The following NT5DC2 variants were observed in gnomAD, a reference collection of about 807,000 sequenced individuals.
The protein encoded by NT5DC2 is 5'-nucleotidase domain-containing protein 2.
NT5DC2 carries 41 observed loss-of-function variants against 70.0 expected under a neutral mutation model. The observed-to-expected ratio is 0.59, with a 90% CI of 0.46 to 0.76. The LOEUF is 0.76. Among genes scored for constraint, NT5DC2 ranks in the 30% least tolerant of loss-of-function variants. NT5DC2 has a pLI of 0.00. For missense variants in NT5DC2, 705 were observed against 783.2 expected (o/e 0.90, Z 1.19); for synonymous variants, 299 against 310.4 (o/e 0.96, Z 0.39).
chr3:52,533,684 G>T lies in NT5DC2; in HGVS notation c.54C>A (p.Gly18=). The stretch of plus-strand genomic sequence containing the variant: ...ACGAGGCGGCTCGCGGCCCGCCGTG[G>T]CCTCCGCACAGCAGCCAGCGCCGAG... ...AAARRWLLCG[G]HGGPRAASSS... is the part of the protein sequence containing the mutation. Residue 18 remains glycine (G), a synonymous_variant, in exon 1 of 14, where the codon GGC becomes GGA. Coordinates refer to ENST00000422318, the MANE Select transcript of NT5DC2 (RefSeq NM_001134231.2). The T allele has an allele frequency of 9.1e-7, 1 of 1,099,454 alleles. No homozygotes were observed. The highest frequency in any genetic ancestry group is 1.1e-6 in the Non-Finnish European group (1 of 904,524). 68.1% of individuals were successfully genotyped at this position (1,099,454 alleles called of 1,614,324 possible).
chr3:52,533,279 C>G (rs112873973), intron 1 of NT5DC2, among the ~76,000 whole-genome samples: 10,996 of 152,224 alleles, frequency 0.072, 947 homozygotes, highest in African/African-American at 0.21. Context: ...TCCTGCAGAC[C>G]GAGCCGGGGA....
intron 1 of NT5DC2, among the ~76,000 whole-genome samples, chr3:52,532,978 GGCTTCTCCCA>G (rs1559741802): frequency 1.3e-5 from 2 of 152,174 alleles, no homozygotes; most frequent in African/African-American, 4.8e-5. Flanking sequence ...GGGGTGACTT[GGCTTCTCCCA>G]GCCTTCGCTG....
At chr3:52,534,552 C>G, upstream of NT5DC2, 1 of 1,613,550 alleles carries the variant, frequency 6.2e-7, no homozygotes, top group Non-Finnish European at 8.5e-7. Context: ...CCCGGTTTCC[C>G]GGCGCACGCC....
chr3:52,524,679 A>G lies in NT5DC2; in HGVS notation c.1465T>C (p.Phe489Leu). 6.2e-7 allele frequency: 1 copy of G among 1,612,882 alleles called. No individual in the cohort carries two copies. ...CTTGAGAAGTAGGTGGGGTTGTGGAAGGTGCGGAAGATGCTGCCGAACTGC... is the reference window on the plus strand; with the variant it reads ...CTTGAGAAGTAGGTGGGGTTGTGGAGGGTGCGGAAGATGCTGCCGAACTGC... ...NAQFGSIFRT[F>L]HNPTYFSRRL... The change falls in exon 14 of 14, where the codon TTC becomes CTC. Residue 489 changes from phenylalanine to leucine, a missense_variant. Phe to Leu is a conservative substitution (Grantham distance 22). Transcript: ENST00000422318.
In NT5DC2 at chr3:52,533,779, G is replaced by GCCCGCCA. The variant is rs1385339245; in HGVS notation, c.-43_-42insTGGCGGG. 40 of 930,590 alleles carry GCCCGCCA rather than the reference G, an allele frequency of 4.3e-5. No homozygotes were observed. Among genetic ancestry groups the GCCCGCCA allele is most frequent in the Non-Finnish European group, 4.9e-5 (39 of 791,104 alleles). The allele number at this position is 930,590 out of a possible 1,614,324, so 57.6% of individuals were successfully genotyped here. Reference sequence around the variant, plus strand: ...CCGCCGCCCGCGCTGCCCTCGGCCAGCCCGCCGCCCGCCGCCCGCCGCCCT... The same window carrying GCCCGCCA: ...CCGCCGCCCGCGCTGCCCTCGGCCAGCCCGCCACCCGCCGCCCGCCGCCCGCCGCCCT... On this transcript the variant is annotated 5_prime_UTR_variant, in exon 1 of 14. Transcript: ENST00000422318.
intron 10 of NT5DC2, among the ~76,000 whole-genome samples, chr3:52,527,036 G>A (rs776335859): frequency 6.6e-6 from 1 of 152,224 alleles, no homozygotes; most frequent in Non-Finnish European, 1.5e-5. Flanking sequence ...GACAAGGGAA[G>A]CAAGGCACAG....
upstream of NT5DC2, chr3:52,534,921 C>T (rs189853833): frequency 1.5e-5 from 7 of 451,814 alleles, no homozygotes; most frequent in Admixed American, 1.2e-4. Flanking sequence ...TGGCGGTGTC[C>T]CCAGGGCCCC....
chr3:52,527,763 C>T (rs11711421), intron 8 of NT5DC2, 45 bp from the exon 9 acceptor site: 711,993 of 1,611,026 alleles, frequency 0.44, 160,264 homozygotes, highest in Admixed American at 0.55. Context: ...AGGGCGGCTC[C>T]GTGCCTGCCC....
At position 52,524,858 on chromosome 3, in the gene NT5DC2, C is replaced by CCTCG; in HGVS notation, c.1367_1370dup (p.Arg457SerfsTer49). The CCTCG allele has an allele frequency of 6.2e-7, 1 of 1,612,368 alleles. No homozygotes were observed. Among genetic ancestry groups the CCTCG allele is most frequent in the Non-Finnish European group, 8.5e-7 (1 of 1,179,748 alleles). ...CTTTCATCCAGGCAGCCAGCACCTGCCTCGACTCCGCGTCCTGATAGGTCT... is the reference window on the plus strand; with the variant it reads ...CTTTCATCCAGGCAGCCAGCACCTGCCTCGCTCGACTCCGCGTCCTGATAGGTCT... On this transcript the variant is annotated frameshift_variant, in exon 13 of 14. Transcript: ENST00000422318. LOFTEE classifies it high-confidence loss of function.
chr3:52,524,963 C>CTGCA lies in NT5DC2; in HGVS notation c.1343_1346dup (p.Gln449HisfsTer57), dbSNP rs1358031571. The stretch of plus-strand genomic sequence containing the variant: ...CTCCCACAGCCACCCCGGCCCACAC[C>CTGCA]TGCATGCGCTCCAGCAGCCCCGTGA... On this transcript the variant is annotated frameshift_variant and splice_region_variant, in exon 12 of 14. Coordinates refer to ENST00000422318, the MANE Select transcript of NT5DC2 (RefSeq NM_001134231.2). LOFTEE classifies it high-confidence loss of function. 6.2e-7 allele frequency: 1 copy of CTGCA among 1,612,132 alleles called. No homozygotes were observed.
chr3:52,532,211 C>CTTAGAA (rs1001384085), intron 1 of NT5DC2: 1 of 985,316 alleles, frequency 1.0e-6, no homozygotes, highest in African/African-American at 1.7e-5. Context: ...ACAAGAGGAG[C>CTTAGAA]TTAGAGGGCT....
In NT5DC2 at chr3:52,533,793, G is replaced by C; in HGVS notation, c.-56C>G. 8 of 975,970 alleles carry C rather than the reference G, an allele frequency of 8.2e-6. No individual in the cohort carries two copies. Among genetic ancestry groups the C allele is most frequent in the Non-Finnish European group, 9.7e-6 (8 of 824,696 alleles). 60.5% of individuals were successfully genotyped at this position (975,970 alleles called of 1,614,324 possible). ...GCCCTCGGCCAGCCCGCCGCCCGCC[G>C]CCCGCCGCCCTCCGACTGCGCGCCC... On this transcript the variant is annotated 5_prime_UTR_variant, in exon 1 of 14. Transcript: ENST00000422318.
chr3:52,532,586 G>A (rs868421939), intron 1 of NT5DC2: 8 of 849,138 alleles, frequency 9.4e-6, no homozygotes, highest in Non-Finnish European at 1.1e-5. Context: ...CAAAAGCCAC[G>A]TCACCCCTGG....
At position 52,525,040 on chromosome 3, in the gene NT5DC2, G is replaced by A. The variant is rs375159113; in HGVS notation, c.1270C>T (p.Arg424Cys). The A allele has an allele frequency of 1.0e-5, 16 of 1,603,802 alleles. No individual in the cohort carries two copies. Among genetic ancestry groups the A allele is most frequent in the Non-Finnish European group, 1.3e-5 (15 of 1,176,082 alleles). The change falls in exon 12 of 14, where the codon CGC becomes TGC. Residue 424 changes from arginine (R) to cysteine (C), a missense_variant. Physicochemically the swap from Arg to Cys is radical, Grantham distance 180. Coordinates refer to ENST00000422318, the MANE Select transcript of NT5DC2 (RefSeq NM_001134231.2). The part of the protein sequence containing the change: ...AIIPELEREI[R>C]IINTEQYMHS... ...ATGTACTGCTCCGTGTTGATGATGC[G>A]GATCTCACGCTCCAGCTCGGGGATG...
rs779159546 is a variant in NT5DC2 at position 52,525,259 on chromosome 3, G to A, written c.1156C>T (p.Arg386Cys). 5.4e-5 allele frequency: 87 copies of A among 1,612,618 alleles called. No individual in the cohort carries two copies. Among genetic ancestry groups the A allele is most frequent in the Middle Eastern group, 1.6e-4 (1 of 6,084 alleles). Residue 386 changes from arginine to cysteine, a missense_variant, in exon 11 of 14, where the codon CGT becomes TGT. Physicochemically the swap from Arg to Cys is radical, Grantham distance 180 (BLOSUM62 -3). Coordinates refer to ENST00000422318, the MANE Select transcript of NT5DC2 (RefSeq NM_001134231.2). ...LFDFLRLTEW[R>C]GPRVLYFGDH... Reference sequence around the variant, plus strand: ...CCGAAGTAGAGCACGCGGGGGCCACGCCATTCCGTCAAGCGTAAGAAGTCA... The same window carrying A: ...CCGAAGTAGAGCACGCGGGGGCCACACCATTCCGTCAAGCGTAAGAAGTCA...
chr3:52,533,020 A>T (rs530441223), intron 1 of NT5DC2, among the ~76,000 whole-genome samples: 85 of 152,072 alleles, frequency 5.6e-4, no homozygotes, highest in African/African-American at 1.9e-3. Flanking sequence ...AGGGGGCCGG[A>T]CCTCCAGGGC....
At chr3:52,534,012 C>T (rs2079398319), upstream of NT5DC2, 1 of 248,814 alleles carries the variant, frequency 4.0e-6, no homozygotes, top group African/African-American at 2.3e-5. Context: ...ACTCTGCGCC[C>T]CCCTTCGGCC....
chr3:52,530,056 G>A (rs1438856589), intron 1 of NT5DC2: 3 of 152,890 alleles, frequency 2.0e-5, no homozygotes, highest in African/African-American at 7.2e-5. Flanking sequence ...CCAGCTCTGT[G>A]CACTTCCCAC....
Position 52,529,423 on chromosome 3 carries a change from C to A in NT5DC2, c.233-89G>T. On this transcript the variant is annotated intron_variant, in intron 1 of 13. Transcript: ENST00000422318. This position sits in a 1 kb window ranked among gnomAD's most constrained non-coding sequence, Gnocchi z 4.1. ...CTGAGCACTCTGTGGGGACCTAGCC[C>A]TGTGAGCCTCAGAAACGCCCCACAA... 7.8e-7 allele frequency: 1 copy of A among 1,288,034 alleles called. No homozygotes were observed. Among genetic ancestry groups the A allele is most frequent in the East Asian group, 2.5e-5 (1 of 40,424 alleles). The allele number at this position is 1,288,034 out of a possible 1,614,324, so 79.8% of individuals were successfully genotyped here. A position where few individuals can be genotyped will look rare whatever the true frequency, so the allele number is the denominator to read the frequency against.
Sources: allele counts gnomAD v4.1 joint callset (sites outside exome capture counted in the v4.1 genomes callset), GRCh38; gene constraint gnomAD v4.1.1; non-coding constraint Gnocchi (gnomAD v3.1); transcripts MANE v1.5; gene names NCBI Gene and HGNC (gene_info 2026-07-23, HGNC 2026-07-21).